Variants in FANCI observed in about 807,000 individuals in gnomAD.
The protein encoded by FANCI is FA complementation group I.
In FANCI, 156 loss-of-function variants were observed where a neutral mutation model predicts 176.1. The ratio of observed to expected loss-of-function variants is 0.89; its 90% confidence interval spans 0.78 to 1.01. The LOEUF (loss-of-function observed/expected upper bound fraction) is 1.01. Ranked by LOEUF, FANCI falls within the 50% of genes least tolerant of loss-of-function variation. FANCI has a pLI of 0.00. For missense variants in FANCI, 1,678 were observed against 1,534.1 expected (o/e 1.09, Z -1.57); for synonymous variants, 613 against 541.7 (o/e 1.13, Z -1.83).
intron 10 of FANCI, among the ~76,000 whole-genome samples, chr15:89,271,377 G>GAT (rs1297029116): frequency 6.6e-6 from 1 of 152,090 alleles, no homozygotes; most frequent in African/African-American, 2.4e-5. Context: ...ACCTTTCCTA[G>GAT]ATATTTTGTA....
intron 24 of FANCI, among the ~76,000 whole-genome samples, chr15:89,296,922 A>ACC (rs552587345): frequency 8.0e-6 from 1 of 125,368 alleles, no homozygotes; most frequent in Non-Finnish European, 1.7e-5. Context: ...CGGGGGGCTG[A>ACC]CCCCCCCACC....
chr15:89,296,400 G>A (rs1167862252), intron 24 of FANCI, among the ~76,000 whole-genome samples: 1 of 145,714 alleles, frequency 6.9e-6, no homozygotes, highest in Non-Finnish European at 1.5e-5. Context: ...GAGCCACTGT[G>A]GCTTTTGTTT....
intron 19 of FANCI, among the ~76,000 whole-genome samples, chr15:89,291,309 C>G (rs1362705669): frequency 2.0e-5 from 3 of 152,122 alleles, no homozygotes; most frequent in Non-Finnish European, 4.4e-5. Flanking sequence ...TTGGACTCAG[C>G]CAGTCTGACT....
intron 36 of FANCI, 138 bp downstream of exon 36, chr15:89,314,845 C>T (rs1346612519): frequency 1.4e-5 from 8 of 555,960 alleles, no homozygotes; most frequent in South Asian, 8.1e-5. Flanking sequence ...CTCCCCCCCC[C>T]CCCCTTTTTT....
intron 10 of FANCI, among the ~76,000 whole-genome samples, chr15:89,271,574 C>CT (rs1179779324): frequency 1.3e-5 from 2 of 152,190 alleles, no homozygotes; most frequent in Non-Finnish European, 1.5e-5. Flanking sequence ...TCATGGCTCA[C>CT]TGCACCCTCA....
chr15:89,266,920 T>C (rs549029239), intron 9 of FANCI, among the ~76,000 whole-genome samples: 2 of 152,144 alleles, frequency 1.3e-5, no homozygotes, highest in East Asian at 3.9e-4. Context: ...TAAGGAGATA[T>C]TAAGCAGGTA....
In FANCI at chr15:89,265,136, G is replaced by A. The variant is rs28465619; in HGVS notation, c.755+529G>A. Reference sequence around the variant, plus strand: ...TATATAGATCAGAGAACATTCTCAGGTAGGGAAATAATACAAAGGCAGAAG... The same window carrying A: ...TATATAGATCAGAGAACATTCTCAGATAGGGAAATAATACAAAGGCAGAAG... On this transcript the variant is annotated intron_variant, in intron 9 of 37. Transcript: ENST00000310775. Among the ~76,000 whole-genome samples, 658 of 152,276 alleles carry A rather than the reference G, an allele frequency of 4.3e-3. 6 individuals are homozygous for A. The highest frequency in any genetic ancestry group is 0.015 in the African/African-American group (622 of 41,560).
intron 35 of FANCI, 95 bp from the exon 36 acceptor site, chr15:89,314,517 C>T (rs984406012): frequency 2.2e-6 from 2 of 919,772 alleles, no homozygotes; most frequent in Admixed American, 1.8e-5. Context: ...ACTAGTTTTC[C>T]CCTAAAGCCA....
rs976092633 is a variant in FANCI, at chr15:89,305,062, C to T, written c.3059-53C>T. The T allele has an allele frequency of 7.5e-6, 12 of 1,606,668 alleles. No individual in the cohort carries two copies. The Admixed American group carries it at 2.0e-4, about 27-fold the overall frequency. ...AAGTGCTGGGATTACAGGCGTGAGCCACTGCACTTGGCCACAACTTACCTT... is the reference window on the plus strand; with the variant it reads ...AAGTGCTGGGATTACAGGCGTGAGCTACTGCACTTGGCCACAACTTACCTT... On this transcript the variant is annotated intron_variant, in intron 28 of 37. Transcript: ENST00000310775.
intron 17 of FANCI, among the ~76,000 whole-genome samples, chr15:89,284,588 A>C (rs1260250254): frequency 6.6e-6 from 1 of 152,224 alleles, no homozygotes; most frequent in African/African-American, 2.4e-5. Context: ...CATTACTGTG[A>C]TGCCTGGAGT....
chr15:89,294,832 C>G, intron 23 of FANCI, 83 bp from the exon 24 acceptor site: 1 of 1,437,586 alleles, frequency 7.0e-7, no homozygotes, highest in African/African-American at 1.4e-5. Context: ...CTGTTCTGAA[C>G]AATTTCTAGA....
Position 89,292,767 on chromosome 15 carries a change from A to G in FANCI, c.2072A>G (p.Glu691Gly). 1 of 1,613,756 alleles carries G rather than the reference A, an allele frequency of 6.2e-7. No individual in the cohort carries two copies. The highest frequency in any genetic ancestry group is 1.7e-5 in the Admixed American group (1 of 60,002). ...TVIPLQQGEE[E>G]EEEEEAFYED... is the part of the protein sequence containing the mutation. ...ATACCCTTACAGCAGGGAGAGGAGG[A>G]AGAGGAGGAGGAAGAGGCATTCTAC... The change falls in exon 21 of 38, where the codon GAA becomes GGA. Residue 691 changes from glutamate to glycine, a missense_variant. Glu to Gly is a moderately conservative substitution (Grantham distance 98). Around this residue, in one of 3 missense-constraint regions of FANCI, gnomAD observed 1,204 missense variants for 1,077.4 expected, o/e 1.12. Coordinates refer to ENST00000310775, the MANE Select transcript of FANCI (RefSeq NM_001113378.2).
chr15:89,263,890 CTT>C lies in FANCI; in HGVS notation c.546-11_546-10del. The C allele has an allele frequency of 6.2e-7, 1 of 1,614,042 alleles. No individual in the cohort carries two copies. Among genetic ancestry groups the C allele is most frequent in the Non-Finnish European group, 8.5e-7 (1 of 1,179,932 alleles). Reference sequence around the variant, plus strand: ...AGACACTGTCTATAGCCTTTAGAATCTTTGATCCACAGGGATGTCCCTCTGAC... The same window carrying C: ...AGACACTGTCTATAGCCTTTAGAATCTGATCCACAGGGATGTCCCTCTGAC... On this transcript the variant is annotated splice_polypyrimidine_tract_variant and intron_variant, in intron 7 of 37. Transcript: ENST00000310775.
chr15:89,263,695 G>A (rs1349177621), intron 7 of FANCI, among the ~76,000 whole-genome samples: 1 of 152,106 alleles, frequency 6.6e-6, no homozygotes, highest in East Asian at 1.9e-4. Context: ...GCTTAGGTAA[G>A]GTTATTGGTT....
Position 89,281,173 on chromosome 15 carries a change from T to A in FANCI, c.1385T>A (p.Leu462Gln). 6.2e-7 allele frequency: 1 copy of A among 1,613,554 alleles called. No individual in the cohort carries two copies. The highest frequency in any genetic ancestry group is 2.2e-5 in the East Asian group (1 of 44,794). ...ASSPISHFLD[L>Q]LSNIVMYAPL... ...GATTATAGATTCTGTTTTTCAGACCTGCTTTCAAATATCGTCATGTATGCA... is the reference window on the plus strand; with the variant it reads ...GATTATAGATTCTGTTTTTCAGACCAGCTTTCAAATATCGTCATGTATGCA... The change falls in exon 15 of 38, where the codon CTG becomes CAG. Residue 462 changes from leucine (L) to glutamine (Q), a missense_variant. Leu to Gln is a moderately radical substitution (Grantham distance 113, BLOSUM62 -2). Coordinates refer to ENST00000310775, the MANE Select transcript of FANCI (RefSeq NM_001113378.2).
rs774655902 is a variant in FANCI at position 89,274,309 on chromosome 15, G to A, written c.1112+5G>A. 2 of 1,613,188 alleles carry A rather than the reference G, an allele frequency of 1.2e-6. No homozygotes were observed. The highest frequency in any genetic ancestry group is 1.7e-6 in the Non-Finnish European group (2 of 1,179,682). On this transcript the variant is annotated splice_donor_5th_base_variant and intron_variant, in intron 12 of 37. Coordinates refer to ENST00000310775, the MANE Select transcript of FANCI (RefSeq NM_001113378.2). ...CTTGGAAGTAGTGAAGAATAGGTAA[G>A]TTGGTGAACCATATCTCAAAAGGTT... is the stretch of plus-strand genomic sequence containing the variant.
chr15:89,316,054 G>A (rs774428423), intron 37 of FANCI, among the ~76,000 whole-genome samples: 8 of 152,178 alleles, frequency 5.3e-5, no homozygotes, highest in East Asian at 1.9e-4. Context: ...AGGCTCTAAT[G>A]TACCTGGCCC....
Position 89,285,092 on chromosome 15 carries a change from TC to T in FANCI, c.1699-3del, listed in dbSNP as rs768601177. The T allele has an allele frequency of 1.9e-6, 3 of 1,614,066 alleles. No homozygotes were observed. The highest frequency in any genetic ancestry group is 2.5e-6 in the Non-Finnish European group (3 of 1,179,974). The stretch of plus-strand genomic sequence containing the variant: ...AGACGTGAATTGGCCTGTCTTCCTT[TC>T]AGGTTCATGTGGATGTTCACAGCCA... On this transcript the variant is annotated splice_region_variant and splice_polypyrimidine_tract_variant and intron_variant, in intron 17 of 37. Coordinates refer to ENST00000310775, the MANE Select transcript of FANCI (RefSeq NM_001113378.2).
chr15:89,255,437 T>G (rs746031999), intron 2 of FANCI, among the ~76,000 whole-genome samples: 22 of 152,126 alleles, frequency 1.4e-4, no homozygotes, highest in Non-Finnish European at 3.1e-4. Context: ...GATCTTAAAG[T>G]GTCTCCCTAT....
Sources: gnomAD v4.1 joint callset for allele counts (sites outside exome capture counted in the v4.1 genomes callset) on GRCh38, gnomAD v4.1.1 for gene constraint, gnomAD v4.1.1 regional missense constraint, MANE v1.5 for transcripts, NCBI Gene and HGNC (gene_info 2026-07-23, HGNC 2026-07-21) for gene names.